RNGTT: variants seen among roughly 807,000 people sequenced by gnomAD.
RNGTT encodes RNA guanylyltransferase and 5'-phosphatase.
Under a neutral mutation model 79.3 loss-of-function variants are expected in RNGTT, and 33 were observed. The observed-to-expected ratio is 0.42, with a 90% confidence interval of 0.32 to 0.56. RNGTT has a LOEUF of 0.56. RNGTT is among the 20% of genes least tolerant of loss of function. The pLI, the probability that RNGTT is intolerant of heterozygous loss-of-function variation, is 0.17. For missense variants in RNGTT, 497 were observed against 739.1 expected (o/e 0.67, Z 3.80); for synonymous variants, 222 against 235.9 (o/e 0.94, Z 0.54).
chr6:88,764,365 T>G (rs1562240550), intron 13 of RNGTT, among the ~76,000 whole-genome samples: 1 of 152,226 alleles, frequency 6.6e-6, no homozygotes, highest in Non-Finnish European at 1.5e-5. Flanking sequence ...CAAATGTAGA[T>G]GCTAGGTCTG....
intron 4 of RNGTT, among the ~76,000 whole-genome samples, chr6:88,921,681 T>C (rs1325350297): frequency 6.6e-6 from 1 of 152,150 alleles, no homozygotes; most frequent in Non-Finnish European, 1.5e-5. Flanking sequence ...ATCATCCCTC[T>C]TTGGTAATTA....
At chr6:88,657,717 G>T (rs1774031980) in intron 14 of RNGTT, among the ~76,000 whole-genome samples, 1 of 152,168 alleles carries the variant, frequency 6.6e-6, no homozygotes, top group Non-Finnish European at 1.5e-5. Flanking sequence ...GGTGCTGTCG[G>T]TGGGGCACAG....
intron 14 of RNGTT, among the ~76,000 whole-genome samples, chr6:88,646,630 T>G (rs571551902): frequency 6.6e-6 from 1 of 152,296 alleles, no homozygotes; most frequent in African/African-American, 2.4e-5. Flanking sequence ...TAAGAAAATG[T>G]GGCACATATA....
intron 14 of RNGTT, among the ~76,000 whole-genome samples, chr6:88,622,883 T>A (rs115550060): frequency 6.6e-6 from 1 of 152,076 alleles, no homozygotes; most frequent in Non-Finnish European, 1.5e-5. Flanking sequence ...CAGTCTCTGA[T>A]CTTTGGAATG....
In RNGTT at chr6:88,771,350, T is replaced by TATAC. The variant is rs376503141; in HGVS notation, c.1339-1477_1339-1476insGTAT. On this transcript the variant is annotated intron_variant, in intron 12 of 15. Transcript: ENST00000369485. ...ATATATATATATATATATATATATA[T>TATAC]ACACACACACACACACACACAATTT... Among the ~76,000 whole-genome samples, 764 of 115,914 alleles carry TATAC rather than the reference T, an allele frequency of 6.6e-3. 7 individuals carry two copies. The highest frequency in any genetic ancestry group is 0.015 in the East Asian group (58 of 3,950). The allele number at this position is 115,914 out of a possible 152,430, so 76.0% of individuals were successfully genotyped here.
intron 13 of RNGTT, among the ~76,000 whole-genome samples, chr6:88,759,364 T>C (rs1778129906): frequency 6.6e-6 from 1 of 152,202 alleles, no homozygotes; most frequent in Admixed American, 6.5e-5. Flanking sequence ...GACATTTCTC[T>C]GAAGATCTCT....
At chr6:88,931,260 T>C (rs1290885675) in intron 2 of RNGTT, among the ~76,000 whole-genome samples, 1 of 151,098 alleles carries the variant, frequency 6.6e-6, no homozygotes, top group Non-Finnish European at 1.5e-5. Context: ...GAGTATACTA[T>C]TAAGCTGGAA....
chr6:88,637,731 A>C (rs571484643), intron 14 of RNGTT, among the ~76,000 whole-genome samples: 1 of 152,140 alleles, frequency 6.6e-6, no homozygotes. Context: ...TCTGAATCCC[A>C]AGATGATAAA....
chr6:88,638,901 G>A (rs1466955038), intron 14 of RNGTT, among the ~76,000 whole-genome samples: 3 of 152,124 alleles, frequency 2.0e-5, no homozygotes, highest in Non-Finnish European at 2.9e-5. Context: ...ACTTCAATTT[G>A]TTGAAATATG....
At chr6:88,774,131 A>T (rs967402618) in intron 12 of RNGTT, among the ~76,000 whole-genome samples, 2 of 152,180 alleles carry the variant, frequency 1.3e-5, no homozygotes, top group African/African-American at 4.8e-5. Flanking sequence ...CTTAACAACA[A>T]AAAAACCCAA....
At chr6:88,932,421 C>T (rs1452639157) in intron 2 of RNGTT, among the ~76,000 whole-genome samples, 1 of 152,066 alleles carries the variant, frequency 6.6e-6, no homozygotes, top group African/African-American at 2.4e-5. Context: ...TCTTTTATTG[C>T]CCTATGAAGC....
chr6:88,667,854 A>G (rs1774476820), intron 14 of RNGTT, among the ~76,000 whole-genome samples: 1 of 152,108 alleles, frequency 6.6e-6, no homozygotes, highest in Admixed American at 6.5e-5. Flanking sequence ...AAGAAACAGG[A>G]TTAGGCTTAG....
intron 14 of RNGTT, among the ~76,000 whole-genome samples, chr6:88,674,952 G>A (rs1006484170): frequency 6.6e-6 from 1 of 151,896 alleles, no homozygotes; most frequent in African/African-American, 2.4e-5. Context: ...CAAAAAATTA[G>A]CCAGGCGTGG....
At chr6:88,704,273 A>C (rs1054163478) in intron 13 of RNGTT, among the ~76,000 whole-genome samples, 8 of 149,888 alleles carry the variant, frequency 5.3e-5, no homozygotes, top group African/African-American at 2.0e-4. Context: ...AAAAAAAAAA[A>C]AAAAAAAAAA....
intron 12 of RNGTT, among the ~76,000 whole-genome samples, chr6:88,791,359 A>G (rs1582464852): frequency 1.3e-5 from 2 of 151,712 alleles, no homozygotes; most frequent in African/African-American, 2.4e-5. Flanking sequence ...GGCTTATCTC[A>G]GACTCCTGGG....
chr6:88,612,833 C>A lies in RNGTT; in HGVS notation c.1680G>T (p.Glu560Asp). The change falls in exon 16 of 16, where the codon GAG becomes GAT. Residue 560 changes from glutamate to aspartate, a missense_variant. Glu to Asp is a conservative substitution (Grantham distance 45, BLOSUM62 2). Around this residue, in one of 3 missense-constraint regions of RNGTT, gnomAD observed 53 missense variants for 50.5 expected, o/e 1.05. Transcript: ENST00000369485. Reference sequence around the variant, plus strand: ...AAGCTGCAGTACATCTGTCGATGAACTCAAACAGCATCTCCTTGGTGACAG... The same window carrying A: ...AAGCTGCAGTACATCTGTCGATGAAATCAAACAGCATCTCCTTGGTGACAG... ...SNPVTKEMLF[E>D]FIDRCTAASQ... 1 of 1,613,828 alleles carries A rather than the reference C, an allele frequency of 6.2e-7. No homozygotes were observed. The highest frequency in any genetic ancestry group is 8.5e-7 in the Non-Finnish European group (1 of 1,179,968).
At chr6:88,833,493 A>G (rs1024386573) in intron 11 of RNGTT, among the ~76,000 whole-genome samples, 5 of 152,138 alleles carry the variant, frequency 3.3e-5, no homozygotes, top group African/African-American at 1.2e-4. Context: ...GATGGGTGCA[A>G]CAAACCACCA....
chr6:88,723,859 G>C (rs937153186), intron 13 of RNGTT, among the ~76,000 whole-genome samples: 8 of 151,930 alleles, frequency 5.3e-5, no homozygotes, highest in Non-Finnish European at 1.0e-4. Context: ...CCAGTAGCTG[G>C]GATTACAAGC....
At chr6:88,905,064 T>C in intron 5 of RNGTT, 109 bp from the exon 6 acceptor site, 2 of 1,371,976 alleles carry the variant, frequency 1.5e-6, no homozygotes, top group Non-Finnish European at 9.9e-7. Context: ...AACAGAAGTT[T>C]ATAAAATGGG....
Sources: gnomAD v4.1 joint callset for allele counts (sites outside exome capture counted in the v4.1 genomes callset) on GRCh38, gnomAD v4.1.1 for gene constraint, gnomAD v4.1.1 regional missense constraint, MANE v1.5 for transcripts, NCBI Gene and HGNC (gene_info 2026-07-23, HGNC 2026-07-21) for gene names.